Variants in SMOC1 observed in about 807,000 individuals in gnomAD.
SMOC1 encodes SPARC-related modular calcium-binding protein 1.
Under a neutral mutation model 56.3 loss-of-function variants are expected in SMOC1, and 22 were observed. That is an observed-to-expected ratio of 0.39 (90% CI 0.28 to 0.56). The LOEUF (loss-of-function observed/expected upper bound fraction) is 0.56, where lower values mean the gene tolerates loss of function less well. Among genes scored for constraint, SMOC1 ranks in the 20% least tolerant of loss-of-function variants. The probability of loss-of-function intolerance (pLI) is 0.61; values close to 1 mark genes in which losing one functional copy is unlikely to be tolerated. For synonymous variants in SMOC1, 193 were observed against 215.0 expected, an observed-to-expected ratio of 0.90 and a Z score of 0.89; for missense variants, 509 against 565.4, an observed-to-expected ratio of 0.90 and a Z score of 1.01.
At chr14:70,025,432 T>A (rs1481394695) in intron 11 of SMOC1, among the ~76,000 whole-genome samples, 2 of 152,148 alleles carry the variant, frequency 1.3e-5, no homozygotes, top group Non-Finnish European at 2.9e-5. Flanking sequence ...GTTCTGGGGC[T>A]TACTGGTGTG....
At chr14:69,991,518 G>C (rs1884567299) in intron 5 of SMOC1, among the ~76,000 whole-genome samples, 1 of 152,158 alleles carries the variant, frequency 6.6e-6, no homozygotes, top group Non-Finnish European at 1.5e-5. Context: ...TATAAGCTAA[G>C]GTTTTTGGGG....
At chr14:69,888,091 C>G (rs1883858811) in intron 1 of SMOC1, among the ~76,000 whole-genome samples, 1 of 152,110 alleles carries the variant, frequency 6.6e-6, no homozygotes, top group Non-Finnish European at 1.5e-5. Flanking sequence ...GTGGAGGGCC[C>G]CCTCCTTCCA....
intron 10 of SMOC1, among the ~76,000 whole-genome samples, chr14:70,022,782 C>A (rs964160376): frequency 6.6e-6 from 1 of 152,254 alleles, no homozygotes; most frequent in Non-Finnish European, 1.5e-5. Context: ...ACCTTCCCCA[C>A]AGTCAGTCCA....
At chr14:69,913,907 A>G (rs1390140722) in intron 1 of SMOC1, among the ~76,000 whole-genome samples, 1 of 152,170 alleles carries the variant, frequency 6.6e-6, no homozygotes, top group Non-Finnish European at 1.5e-5. Context: ...TTTAGAGTAT[A>G]TGTCTTCTGT....
At chr14:69,960,423 T>C (rs1883329043) in intron 3 of SMOC1, among the ~76,000 whole-genome samples, 1 of 152,108 alleles carries the variant, frequency 6.6e-6, no homozygotes, top group Admixed American at 6.5e-5. Flanking sequence ...GTTTAGTGGA[T>C]GGTGCCCTGC....
chr14:70,008,227 T>G (rs1243121404), intron 7 of SMOC1, among the ~76,000 whole-genome samples: 4 of 152,142 alleles, frequency 2.6e-5, no homozygotes, highest in Non-Finnish European at 5.9e-5. Context: ...CCTCCTGGAC[T>G]CAGGTGGCCC....
chr14:69,951,842 G>C (rs1315551374), intron 1 of SMOC1, among the ~76,000 whole-genome samples: 1 of 152,234 alleles, frequency 6.6e-6, no homozygotes, highest in African/African-American at 2.4e-5. Context: ...CTTGTCTACA[G>C]AATAGAGTTT....
chr14:69,927,452 G>T (rs1049693573), intron 1 of SMOC1, among the ~76,000 whole-genome samples: 1 of 152,180 alleles, frequency 6.6e-6, no homozygotes, highest in Non-Finnish European at 1.5e-5. Flanking sequence ...GGGCCAAGGC[G>T]GGCAGATTGC....
chr14:70,025,143 T>C (rs971726335), intron 11 of SMOC1, among the ~76,000 whole-genome samples: 3 of 152,004 alleles, frequency 2.0e-5, no homozygotes, highest in African/African-American at 7.3e-5. Flanking sequence ...ACACGTTGAG[T>C]TGGATGCACA....
rs1482970459 is a variant in SMOC1, at chr14:70,021,877, G to GC, written c.1047-1324dup. ...GAGAAGTCAGGGTGGCATGACAAGT[G>GC]CCTTGAATAGTTTCCCCACCAGGAA... On this transcript the variant is annotated intron_variant, in intron 10 of 11. Transcript: ENST00000361956. Among the ~76,000 whole-genome samples the GC allele has an allele frequency of 5.9e-5, 9 of 152,150 alleles. 1 individual carries two copies. The highest frequency in any genetic ancestry group is 2.0e-4 in the Admixed American group (3 of 15,274).
intron 1 of SMOC1, chr14:69,886,189 T>C: frequency 2.3e-6 from 2 of 854,550 alleles, no homozygotes; most frequent in East Asian, 5.2e-5. Context: ...CTATATCTGG[T>C]CCACTTGTAT....
chr14:69,880,428 A>C (rs2139277380), intron 1 of SMOC1, among the ~76,000 whole-genome samples: 1 of 152,168 alleles, frequency 6.6e-6, no homozygotes, highest in African/African-American at 2.4e-5. Flanking sequence ...GGGAGGTTGA[A>C]TTACTCGTTG....
At chr14:69,899,300 G>A (rs1194911808) in intron 1 of SMOC1, among the ~76,000 whole-genome samples, 1 of 152,162 alleles carries the variant, frequency 6.6e-6, no homozygotes, top group African/African-American at 2.4e-5. Context: ...TGTTGGAGGT[G>A]GGGCCTGGTG....
intron 1 of SMOC1, among the ~76,000 whole-genome samples, chr14:69,891,915 T>C (rs1883972677): frequency 6.6e-6 from 1 of 152,240 alleles, no homozygotes; most frequent in Non-Finnish European, 1.5e-5. Context: ...GAGTATCTTT[T>C]ATTGTATCTG....
At chr14:69,941,457 T>C (rs1882558994) in intron 1 of SMOC1, among the ~76,000 whole-genome samples, 1 of 152,150 alleles carries the variant, frequency 6.6e-6, no homozygotes, top group African/African-American at 2.4e-5. Context: ...GCCACACTTA[T>C]TACCCAGGAC....
At chr14:70,001,406 G>A (rs1002993674) in intron 7 of SMOC1, among the ~76,000 whole-genome samples, 8 of 152,276 alleles carry the variant, frequency 5.3e-5, no homozygotes, top group Non-Finnish European at 1.0e-4. Context: ...CAAAGGGATG[G>A]GGGGTGATGG....
intron 3 of SMOC1, among the ~76,000 whole-genome samples, chr14:69,969,821 A>G (rs1348855741): frequency 1.3e-5 from 2 of 152,230 alleles, no homozygotes; most frequent in Non-Finnish European, 1.5e-5. Context: ...TTATTTGGCC[A>G]GAGGACACCT....
At chr14:70,028,737 C>G (rs1042289437) in intron 11 of SMOC1, among the ~76,000 whole-genome samples, 8 of 152,196 alleles carry the variant, frequency 5.3e-5, no homozygotes, top group African/African-American at 1.9e-4. Context: ...AGTCAGCAGC[C>G]TGACTCTGCC....
chr14:69,908,671 T>C (rs768804051), intron 1 of SMOC1, among the ~76,000 whole-genome samples: 4 of 152,220 alleles, frequency 2.6e-5, no homozygotes, highest in Non-Finnish European at 5.9e-5. Flanking sequence ...CCTTGGGATC[T>C]GTGGGTGCCG....
Sources: allele counts gnomAD v4.1 joint callset (sites outside exome capture counted in the v4.1 genomes callset), GRCh38; gene constraint gnomAD v4.1.1; transcripts MANE v1.5; gene names NCBI Gene and HGNC (gene_info 2026-07-23, HGNC 2026-07-21).